MCEE: variants seen among roughly 807,000 people sequenced by gnomAD.
The protein encoded by MCEE is methylmalonyl-CoA epimerase, mitochondrial.
Under a neutral mutation model 12.9 loss-of-function variants are expected in MCEE, and 6 were observed. The ratio of observed to expected loss-of-function variants is 0.47; its 90% CI spans 0.26 to 0.92. The LOEUF (loss-of-function observed/expected upper bound fraction) is 0.92, where lower values mean the gene tolerates loss of function less well. MCEE is among the 40% of genes least tolerant of loss of function. The pLI, the probability that MCEE is intolerant of heterozygous loss-of-function variation, is 0.16. For synonymous variants in MCEE, 78 were observed against 77.9 expected, an observed-to-expected ratio of 1.00 and a Z score of -0.01; for missense variants, 214 against 212.1, an observed-to-expected ratio of 1.01 and a Z score of -0.05.
chr2:71,128,200 T>C, intron 1 of MCEE, among the ~76,000 whole-genome samples: 1 of 152,238 alleles, frequency 6.6e-6, no homozygotes, highest in East Asian at 1.9e-4. Flanking sequence ...AGTTGGTCAT[T>C]CTTGTCTCCC....
intron 1 of MCEE, among the ~76,000 whole-genome samples, chr2:71,125,207 A>ATTTTTTT (rs1217307224): frequency 3.6e-4 from 17 of 46,594 alleles, no homozygotes; most frequent in Non-Finnish European, 7.1e-4. Context: ...ATATATATAT[A>ATTTTTTT]TATATTTTTT....
intron 1 of MCEE, among the ~76,000 whole-genome samples, chr2:71,127,555 G>C (rs142743540): frequency 6.1e-4 from 93 of 152,332 alleles, no homozygotes; most frequent in African/African-American, 2.2e-3. Flanking sequence ...CCCATTTGAA[G>C]TGTACAATTC....
intron 1 of MCEE, 116 bp from the exon 2 acceptor site, chr2:71,124,659 C>G: frequency 1.3e-6 from 1 of 798,212 alleles, no homozygotes; most frequent in East Asian, 2.7e-5. Context: ...TATATCTGTT[C>G]TTTTTAATTA....
At chr2:71,125,209 A>ATTTTTTTTTTTT (rs1449400615) in intron 1 of MCEE, among the ~76,000 whole-genome samples, 17 of 48,180 alleles carry the variant, frequency 3.5e-4, no homozygotes, top group Admixed American at 6.5e-4. Context: ...ATATATATAT[A>ATTTTTTTTTTTT]TATTTTTTTT....
rs1673168669 is a variant in MCEE, at chr2:71,124,300, T to C, written c.284A>G (p.Lys95Arg). The part of the protein sequence containing the change: ...SVVFVNLGNT[K>R]MELLHPLGRD... ...TCCCAATGGATGAAGCAGTTCCATC[T>C]TGGTATTTCCCAGGTTGACAAAAAC... The change falls in exon 2 of 3, where the codon AAG becomes AGG. Residue 95 changes from lysine (K) to arginine (R), a missense_variant. By Grantham distance (26) the Lys-to-Arg change is conservative. Coordinates refer to ENST00000244217, the MANE Select transcript of MCEE (RefSeq NM_032601.4). The C allele has an allele frequency of 1.9e-6, 3 of 1,614,234 alleles. No homozygotes were observed. Among genetic ancestry groups the C allele is most frequent in the Non-Finnish European group, 2.5e-6 (3 of 1,180,020 alleles).
chr2:71,118,845 A>C (rs1673045378), intron 2 of MCEE, among the ~76,000 whole-genome samples: 1 of 149,746 alleles, frequency 6.7e-6, no homozygotes, highest in East Asian at 1.9e-4. Flanking sequence ...CTGACACTGC[A>C]AGTCAAGATG....
intron 2 of MCEE, chr2:71,117,382 G>A (rs2103624758): frequency 6.6e-6 from 1 of 150,634 alleles, no homozygotes; most frequent in African/African-American, 2.5e-5. Flanking sequence ...AATTTTCACA[G>A]TGGATAGTAA....
chr2:71,114,711 T>C (rs1229359571), intron 2 of MCEE, among the ~76,000 whole-genome samples: 1 of 152,178 alleles, frequency 6.6e-6, no homozygotes, highest in Non-Finnish European at 1.5e-5. Context: ...AAAATAAAGA[T>C]GATGTCACCG....
At chr2:71,120,924 A>G (rs1484469653) in intron 2 of MCEE, among the ~76,000 whole-genome samples, 1 of 152,084 alleles carries the variant, frequency 6.6e-6, no homozygotes, top group Non-Finnish European at 1.5e-5. Context: ...TTTAGTAGAG[A>G]TGGGGTTTCA....
chr2:71,129,906 TCGACTCTCC>T (rs571766040), intron 1 of MCEE: 148 of 569,150 alleles, frequency 2.6e-4, no homozygotes, highest in African/African-American at 2.2e-3. Flanking sequence ...GCAAGTTCCC[TCGACTCTCC>T]CGCCCACATA....
chr2:71,116,435 T>G (rs1194625263), intron 2 of MCEE, among the ~76,000 whole-genome samples: 1 of 150,156 alleles, frequency 6.7e-6, no homozygotes, highest in Non-Finnish European at 1.5e-5. Context: ...TTCTTTTTTT[T>G]GGTATTTATC....
chr2:71,116,098 T>G (rs1672986898), intron 2 of MCEE, among the ~76,000 whole-genome samples: 1 of 150,226 alleles, frequency 6.7e-6, no homozygotes, highest in South Asian at 2.1e-4. Flanking sequence ...TTCTTTTTTT[T>G]GAGATGGAGT....
At chr2:71,126,622 T>C (rs1401811683) in intron 1 of MCEE, among the ~76,000 whole-genome samples, 4 of 135,440 alleles carry the variant, frequency 3.0e-5, no homozygotes, top group Admixed American at 2.9e-4. Context: ...AAAGGTGAAA[T>C]TGTGTAGACC....
intron 1 of MCEE, among the ~76,000 whole-genome samples, chr2:71,125,807 T>A (rs1673219084): frequency 6.6e-6 from 1 of 152,252 alleles, no homozygotes; most frequent in Non-Finnish European, 1.5e-5. Flanking sequence ...GCACTGTATT[T>A]ATTTTTTTAC....
chr2:71,112,417 G>A (rs1672904621), intron 2 of MCEE, among the ~76,000 whole-genome samples: 2 of 140,916 alleles, frequency 1.4e-5, no homozygotes, highest in African/African-American at 5.3e-5. Context: ...TTACAGGCGT[G>A]AGCCACTGCA....
In MCEE at chr2:71,125,374, ATGT is replaced by A. The variant is rs1398942708; in HGVS notation, c.41-834_41-832del. On this transcript the variant is annotated intron_variant, in intron 1 of 2. Transcript: ENST00000244217. Reference sequence around the variant, plus strand: ...CAGGCACCTGCCACATGCCCGGCTAATGTTGTATTTTTAGTAGAGATGGGGTTT... The same window carrying A: ...CAGGCACCTGCCACATGCCCGGCTAATGTATTTTTAGTAGAGATGGGGTTT... Among the ~76,000 whole-genome samples the A allele has an allele frequency of 5.3e-5, 8 of 151,260 alleles. No homozygotes were observed. In the South Asian group the frequency reaches 1.5e-3, roughly 28 times the overall value.
In MCEE at chr2:71,119,032, A is replaced by G. The variant is rs538795647; in HGVS notation, c.378+5174T>C. Among the ~76,000 whole-genome samples the G allele has an allele frequency of 4.0e-5, 6 of 150,210 alleles. No individual in the cohort carries two copies. The East Asian group carries it at 1.2e-3, about 29-fold the overall frequency. On this transcript the variant is annotated intron_variant, in intron 2 of 2. Transcript: ENST00000244217. ...GCTTTAGGCCAGTCTGGTTCTCCCC[A>G]TCAACAAAAATGACTCTTCTGCTCT... is the stretch of plus-strand genomic sequence containing the variant.
At position 71,124,306 on chromosome 2, in the gene MCEE, T is replaced by C. The variant is rs1273487344; in HGVS notation, c.278A>G (p.Asn93Ser). 1 of 1,614,228 alleles carries C rather than the reference T, an allele frequency of 6.2e-7. No homozygotes were observed. Among genetic ancestry groups the C allele is most frequent in the East Asian group, 2.2e-5 (1 of 44,888 alleles). ...GVSVVFVNLG[N>S]TKMELLHPLG... Reference sequence around the variant, plus strand: ...TGGATGAAGCAGTTCCATCTTGGTATTTCCCAGGTTGACAAAAACAACAGA... The same window carrying C: ...TGGATGAAGCAGTTCCATCTTGGTACTTCCCAGGTTGACAAAAACAACAGA... Residue 93 changes from asparagine to serine, a missense_variant, in exon 2 of 3, where the codon AAT becomes AGT. Coordinates refer to ENST00000244217, the MANE Select transcript of MCEE (RefSeq NM_032601.4).
intron 1 of MCEE, among the ~76,000 whole-genome samples, chr2:71,128,098 A>T (rs1010541960): frequency 4.6e-5 from 7 of 151,790 alleles, no homozygotes; most frequent in Non-Finnish European, 8.8e-5. Flanking sequence ...ACTATGATCA[A>T]TTTTTTTTAT....
Sources: allele counts gnomAD v4.1 joint callset (sites outside exome capture counted in the v4.1 genomes callset), GRCh38; gene constraint gnomAD v4.1.1; transcripts MANE v1.5; gene names NCBI Gene and HGNC (gene_info 2026-07-23, HGNC 2026-07-21).